The following ZNF33B variants were observed in gnomAD, a reference collection of about 807,000 sequenced individuals.
ZNF33B encodes zinc finger protein 11b (KOX 2).
In ZNF33B, 29 loss-of-function variants were observed where a neutral mutation model predicts 45.8. That is an observed-to-expected ratio of 0.63 (90% CI 0.47 to 0.86). ZNF33B has a LOEUF of 0.86. ZNF33B is among the 40% of genes least tolerant of loss of function. The pLI, the probability that ZNF33B is intolerant of heterozygous loss-of-function variation, is 0.00. For synonymous variants in ZNF33B, 305 were observed against 307.8 expected (o/e 0.99, Z 0.10); for missense variants, 831 against 909.9 (o/e 0.91, Z 1.12).
At chr10:42,612,233 ATTTTTTTTTTTT>A (rs59259404) in intron 4 of ZNF33B, among the ~76,000 whole-genome samples, 2 of 119,342 alleles carry the variant, frequency 1.7e-5, no homozygotes, top group African/African-American at 6.6e-5. Context: ...ACAGAAGTTG[ATTTTTTTTTTTT>A]TTTTTTTTGA....
intron 1 of ZNF33B, among the ~76,000 whole-genome samples, chr10:42,576,408 C>G (rs1410558327): frequency 6.6e-6 from 1 of 152,158 alleles, no homozygotes; most frequent in Non-Finnish European, 1.5e-5. Context: ...TCTGTGAGCT[C>G]AGGGGAGATG....
intron 1 of ZNF33B, among the ~76,000 whole-genome samples, chr10:42,584,072 C>G: frequency 6.6e-6 from 1 of 152,216 alleles, no homozygotes; most frequent in East Asian, 1.9e-4. Context: ...CCAGCCCTTC[C>G]TCCACTAAGC....
intron 4 of ZNF33B, among the ~76,000 whole-genome samples, chr10:42,627,220 T>C (rs1484786857): frequency 6.6e-6 from 1 of 152,190 alleles, no homozygotes; most frequent in African/African-American, 2.4e-5. Context: ...GCCAGGGTGG[T>C]TGCAAACTCT....
At position 42,576,340 on chromosome 10, in the gene ZNF33B, C is replaced by T. The variant is rs117779195; in HGVS notation, c.74-1662G>A. Among the ~76,000 whole-genome samples, 504 of 152,232 alleles carry T rather than the reference C, an allele frequency of 3.3e-3. 3 individuals carry two copies. Among genetic ancestry groups the T allele is most frequent in the Non-Finnish European group, 4.6e-3 (313 of 68,016 alleles). On this transcript the variant is annotated intron_variant, in intron 1 of 1. Coordinates refer to the ZNF33B transcript ENST00000462075. ...AATACATATTGATTTTTAGCTAATT[C>T]GAATTGCTTATTAATATCAATAAAA... is the stretch of plus-strand genomic sequence containing the variant.
At chr10:42,605,691 G>T (rs1837812487) in intron 4 of ZNF33B, among the ~76,000 whole-genome samples, 1 of 152,062 alleles carries the variant, frequency 6.6e-6, no homozygotes, top group Non-Finnish European at 1.5e-5. Context: ...GAGTAAAAAA[G>T]GCACACTTTT....
At chr10:42,609,696 TA>T (rs1838023372) in intron 4 of ZNF33B, among the ~76,000 whole-genome samples, 1 of 152,156 alleles carries the variant, frequency 6.6e-6, no homozygotes, top group African/African-American at 2.4e-5. Flanking sequence ...TCTAGTAGTA[TA>T]TAAAAAGGAT....
chr10:42,593,815 G>A lies in ZNF33B; in HGVS notation c.1135C>T (p.His379Tyr). The change falls in exon 5 of 5, where the codon CAC becomes TAC. Residue 379 changes from histidine to tyrosine, a missense_variant. Transcript: ENST00000359467. ...CATTCAAAAGGTTTCTCCCCTGTGT[G>A]TGATCTCTGATGTTTAGTGAGGTTT... ...KSNLTKHQRS[H>Y]TGEKPFECNE... 1 of 1,614,056 alleles carries A rather than the reference G, an allele frequency of 6.2e-7. No individual in the cohort carries two copies. The highest frequency in any genetic ancestry group is 8.5e-7 in the Non-Finnish European group (1 of 1,179,956).
chr10:42,623,171 G>T (rs2132133343), intron 4 of ZNF33B, among the ~76,000 whole-genome samples: 1 of 152,348 alleles, frequency 6.6e-6, no homozygotes, highest in Non-Finnish European at 1.5e-5. Flanking sequence ...GGAAGCTGAG[G>T]CAGGAGAATC....
At chr10:42,606,233 G>A (rs373444847) in intron 4 of ZNF33B, among the ~76,000 whole-genome samples, 5 of 152,116 alleles carry the variant, frequency 3.3e-5, no homozygotes, top group Admixed American at 2.0e-4. Flanking sequence ...GGGAGGCCAA[G>A]GCGGGCAGAT....
chr10:42,621,638 G>T (rs750146892), intron 4 of ZNF33B, among the ~76,000 whole-genome samples: 1 of 152,034 alleles, frequency 6.6e-6, no homozygotes, highest in African/African-American at 2.4e-5. Flanking sequence ...AGTAAAGGCA[G>T]TTGACAAAAT....
In ZNF33B at chr10:42,593,232, C is replaced by G; in HGVS notation, c.1718G>C (p.Arg573Thr). ...SHKSTLSQHY[R>T]THTGEKPYEC... ...ATAGGGTTTCTCCCCCGTGTGTGTTCTATAATGTTGAGAGAGGGTTGACTT... is the reference window on the plus strand; with the variant it reads ...ATAGGGTTTCTCCCCCGTGTGTGTTGTATAATGTTGAGAGAGGGTTGACTT... The change falls in exon 5 of 5, where the codon AGA becomes ACA. Residue 573 changes from arginine (R) to threonine (T), a missense_variant. Transcript: ENST00000359467. 6.2e-7 allele frequency: 1 copy of G among 1,613,820 alleles called. No individual in the cohort carries two copies. Among genetic ancestry groups the G allele is most frequent in the Non-Finnish European group, 8.5e-7 (1 of 1,179,960 alleles).
intron 1 of ZNF33B, among the ~76,000 whole-genome samples, chr10:42,577,413 T>C (rs1189527490): frequency 2.0e-5 from 3 of 152,122 alleles, no homozygotes; most frequent in African/African-American, 7.2e-5. Context: ...ACCGTCTCCT[T>C]CTCCCCTGTG....
chr10:42,579,291 C>T (rs73264706), intron 1 of ZNF33B, among the ~76,000 whole-genome samples: 1,800 of 152,216 alleles, frequency 0.012, 45 homozygotes, highest in African/African-American at 0.041. Context: ...GCTTGGGGAA[C>T]GATTGATTCT....
chr10:42,614,414 AAAG>A (rs1330036436), intron 4 of ZNF33B: 2 of 152,828 alleles, frequency 1.3e-5, no homozygotes, highest in African/African-American at 4.8e-5. Context: ...ATCCTGGAAC[AAAG>A]AAGGACATTA....
At chr10:42,575,982 C>G (rs1203925203) in intron 1 of ZNF33B, among the ~76,000 whole-genome samples, 1 of 151,868 alleles carries the variant, frequency 6.6e-6, no homozygotes, top group Non-Finnish European at 1.5e-5. Flanking sequence ...ACTTCCGCCT[C>G]CGGGTTCAAG....
chr10:42,578,977 G>T (rs1224817993), intron 1 of ZNF33B, among the ~76,000 whole-genome samples: 1 of 152,110 alleles, frequency 6.6e-6, no homozygotes, highest in Non-Finnish European at 1.5e-5. Context: ...GAGTTCCCTG[G>T]GAACCAGTTT....
At chr10:42,611,483 T>A (rs1009738195) in intron 4 of ZNF33B, among the ~76,000 whole-genome samples, 3 of 152,208 alleles carry the variant, frequency 2.0e-5, no homozygotes, top group African/African-American at 7.2e-5. Flanking sequence ...CAGGTCTACA[T>A]TTAAAAGCCA....
chr10:42,616,923 T>C (rs888167240), intron 4 of ZNF33B, among the ~76,000 whole-genome samples: 14 of 151,782 alleles, frequency 9.2e-5, no homozygotes, highest in Non-Finnish European at 1.9e-4. Flanking sequence ...CTCCATCTCC[T>C]GACCTCGTGA....
At chr10:42,601,233 T>C (rs1837603670) in intron 4 of ZNF33B, among the ~76,000 whole-genome samples, 1 of 152,210 alleles carries the variant, frequency 6.6e-6, no homozygotes, top group East Asian at 1.9e-4. Context: ...AACACTGATT[T>C]AGAGCATTCT....
Sources: gnomAD v4.1 joint callset for allele counts (sites outside exome capture counted in the v4.1 genomes callset) on GRCh38, gnomAD v4.1.1 for gene constraint, MANE v1.5 for transcripts, NCBI Gene and HGNC (gene_info 2026-07-23, HGNC 2026-07-21) for gene names.